The following PRKG1 variants were observed in gnomAD, a reference collection of about 807,000 sequenced individuals.
The protein encoded by PRKG1 is cGMP-dependent protein kinase 1.
PRKG1 carries 35 observed loss-of-function variants against 88.1 expected under a neutral mutation model. That is an observed-to-expected ratio of 0.40 (90% confidence interval 0.30 to 0.53). The LOEUF (loss-of-function observed/expected upper bound fraction) is 0.53, where lower values mean the gene tolerates loss of function less well. PRKG1 is among the 20% of genes least tolerant of loss of function. The probability of loss-of-function intolerance (pLI) is 0.59; values close to 1 mark genes in which losing one functional copy is unlikely to be tolerated. For synonymous variants in PRKG1, 303 were observed against 292.5 expected, an observed-to-expected ratio of 1.04 and a Z score of -0.37; for missense variants, 540 against 839.8, an observed-to-expected ratio of 0.64 and a Z score of 4.41.
At chr10:51,232,619 G>A (rs1176358204) in intron 2 of PRKG1, among the ~76,000 whole-genome samples, 1 of 152,080 alleles carries the variant, frequency 6.6e-6, no homozygotes, top group Non-Finnish European at 1.5e-5. Flanking sequence ...TGTTCTTTGA[G>A]AGAAAAGACC....
chr10:51,571,611 A>G lies in PRKG1; in HGVS notation c.592+103775A>G, dbSNP rs1253050261. Among the ~76,000 whole-genome samples the G allele has an allele frequency of 2.0e-5, 3 of 151,908 alleles. No individual in the cohort carries two copies. In the East Asian group the frequency reaches 5.8e-4, roughly 29 times the overall value. On this transcript the variant is annotated intron_variant, in intron 3 of 17. Coordinates refer to ENST00000373980, the MANE Select transcript of PRKG1 (RefSeq NM_006258.4). The stretch of plus-strand genomic sequence containing the variant: ...GAGCTCTTGGGTACAGGCAGGTGAA[A>G]AGCTGAAACTCATGCTGAAAATGAG...
intron 7 of PRKG1, among the ~76,000 whole-genome samples, chr10:52,067,996 A>C (rs1429435222): frequency 9.3e-6 from 1 of 106,978 alleles, no homozygotes; most frequent in East Asian, 2.5e-4. Context: ...CGAGGTCAGG[A>C]GATCGAGACC....
At chr10:51,112,963 G>T (rs981850123) in intron 1 of PRKG1, among the ~76,000 whole-genome samples, 5 of 152,120 alleles carry the variant, frequency 3.3e-5, no homozygotes, top group African/African-American at 1.2e-4. Flanking sequence ...ATAAAAGATT[G>T]CAAAAGCTCT....
At chr10:51,740,785 A>C (rs1005653378) in intron 3 of PRKG1, among the ~76,000 whole-genome samples, 1 of 152,174 alleles carries the variant, frequency 6.6e-6, no homozygotes, top group Non-Finnish European at 1.5e-5. Flanking sequence ...TATTTTTCAG[A>C]ATCAAGATAG....
At chr10:51,161,305 A>C (rs1385195659) in intron 2 of PRKG1, among the ~76,000 whole-genome samples, 2 of 152,180 alleles carry the variant, frequency 1.3e-5, no homozygotes, top group Non-Finnish European at 2.9e-5. Context: ...TTGTTGTACA[A>C]GTTAAGAATT....
intron 3 of PRKG1, among the ~76,000 whole-genome samples, chr10:51,584,882 A>G (rs1451227900): frequency 1.3e-5 from 2 of 152,092 alleles, no homozygotes; most frequent in African/African-American, 4.8e-5. Context: ...CAAACAAACA[A>G]AACTCTATAA....
chr10:51,854,810 A>C (rs2132814635), intron 4 of PRKG1, among the ~76,000 whole-genome samples: 1 of 152,290 alleles, frequency 6.6e-6, no homozygotes, highest in South Asian at 2.1e-4. Flanking sequence ...TGGTACAACG[A>C]GTTTATAAAT....
chr10:51,353,948 T>A (rs1364668153), intron 2 of PRKG1, among the ~76,000 whole-genome samples: 1 of 151,920 alleles, frequency 6.6e-6, no homozygotes, highest in Admixed American at 6.6e-5. Flanking sequence ...GATATAAATA[T>A]CCAACTATTC....
chr10:51,583,786 T>A (rs1838103314), intron 3 of PRKG1, among the ~76,000 whole-genome samples: 5 of 152,122 alleles, frequency 3.3e-5, no homozygotes, highest in Admixed American at 3.3e-4. Flanking sequence ...TTTGCATATA[T>A]ACTATAATGG....
intron 3 of PRKG1, among the ~76,000 whole-genome samples, chr10:51,793,281 A>G (rs1838920216): frequency 6.6e-6 from 1 of 152,016 alleles, no homozygotes; most frequent in Non-Finnish European, 1.5e-5. Context: ...GAAATGGAAA[A>G]TGCAATGGAG....
intron 1 of PRKG1, among the ~76,000 whole-genome samples, chr10:51,136,096 A>G (rs2131945710): frequency 6.6e-6 from 1 of 152,200 alleles, no homozygotes; most frequent in Admixed American, 6.5e-5. Context: ...GTGCACATGT[A>G]CCCTAAAACT....
Position 51,074,529 on chromosome 10 carries a change from G to C in PRKG1, c.-62G>C, listed in dbSNP as rs994281311. The C allele has an allele frequency of 6.4e-5, 99 of 1,556,546 alleles. No homozygotes were observed. Among genetic ancestry groups the C allele is most frequent in the Middle Eastern group, 2.3e-4 (1 of 4,422 alleles). ...GACTTTGGGGAAAGTTGATCGGAGAGGGGAGGAAGCCTCAAGACGCGGAGC... is the reference window on the plus strand; with the variant it reads ...GACTTTGGGGAAAGTTGATCGGAGACGGGAGGAAGCCTCAAGACGCGGAGC... On this transcript the variant is annotated 5_prime_UTR_variant, in exon 1 of 18. Transcript: ENST00000373980.
At chr10:51,831,919 C>G (rs1480466958) in intron 4 of PRKG1, among the ~76,000 whole-genome samples, 1 of 151,032 alleles carries the variant, frequency 6.6e-6, no homozygotes, top group Non-Finnish European at 1.5e-5. Flanking sequence ...TAGGAATTCT[C>G]TCTAGTTGGT....
chr10:52,159,370 G>T (rs1838218875), intron 8 of PRKG1, among the ~76,000 whole-genome samples: 1 of 151,462 alleles, frequency 6.6e-6, no homozygotes, highest in African/African-American at 2.4e-5. Context: ...CCTGAAGAAA[G>T]TTATACTTCA....
chr10:51,939,003 G>A (rs958447911), intron 5 of PRKG1, among the ~76,000 whole-genome samples: 1 of 151,964 alleles, frequency 6.6e-6, no homozygotes, highest in Non-Finnish European at 1.5e-5. Context: ...GAATTTTATA[G>A]TGTATGAGTA....
At chr10:51,801,731 T>G (rs1839178939) in intron 3 of PRKG1, among the ~76,000 whole-genome samples, 1 of 152,142 alleles carries the variant, frequency 6.6e-6, no homozygotes, top group Non-Finnish European at 1.5e-5. Flanking sequence ...TCCTCTGTAA[T>G]CTTGGTGTCC....
At chr10:51,493,759 T>A (rs1840772202) in intron 3 of PRKG1, among the ~76,000 whole-genome samples, 2 of 137,000 alleles carry the variant, frequency 1.5e-5, no homozygotes, top group Admixed American at 7.2e-5. Flanking sequence ...CAGTCATTTC[T>A]TATTTGTGCC....
At chr10:51,648,342 G>A (rs187524658) in intron 3 of PRKG1, among the ~76,000 whole-genome samples, 1 of 152,180 alleles carries the variant, frequency 6.6e-6, no homozygotes, top group African/African-American at 2.4e-5. Flanking sequence ...GAATTATTTT[G>A]AACAGACTAT....
intron 2 of PRKG1, among the ~76,000 whole-genome samples, chr10:51,344,284 C>T (rs1016543929): frequency 4.6e-5 from 7 of 152,188 alleles, no homozygotes; most frequent in South Asian, 2.1e-4. Context: ...TGCTTTTATA[C>T]GACCAGATCT....
Sources: gnomAD v4.1 joint callset for allele counts (sites outside exome capture counted in the v4.1 genomes callset) on GRCh38, gnomAD v4.1.1 for gene constraint, MANE v1.5 for transcripts, NCBI Gene and HGNC (gene_info 2026-07-23, HGNC 2026-07-21) for gene names.